The following EXT2 variants were observed in gnomAD, a reference collection of about 807,000 sequenced individuals.
The protein encoded by EXT2 is exostosin-2.
A neutral mutation model predicts 81.6 loss-of-function variants in EXT2; 53 were observed. That is an observed-to-expected ratio of 0.65 (90% CI 0.52 to 0.82). The LOEUF is 0.82. Ranked by LOEUF, EXT2 falls within the 40% of genes least tolerant of loss-of-function variation. The pLI is 0.00. For missense variants in EXT2, 774 were observed against 910.2 expected, an observed-to-expected ratio of 0.85 and a Z score of 1.93; for synonymous variants, 320 against 340.0, an observed-to-expected ratio of 0.94 and a Z score of 0.65.
intron 8 of EXT2, among the ~76,000 whole-genome samples, chr11:44,173,200 G>A (rs1955101814): frequency 6.6e-6 from 1 of 152,206 alleles, no homozygotes; most frequent in Non-Finnish European, 1.5e-5. Context: ...GACACCTCCT[G>A]AAGAGGGAGT....
chr11:44,149,994 C>T (rs1484892018), intron 7 of EXT2, among the ~76,000 whole-genome samples: 1 of 152,192 alleles, frequency 6.6e-6, no homozygotes, highest in Non-Finnish European at 1.5e-5. Context: ...GATGGGGCTG[C>T]TGCTGATGTT....
intron 8 of EXT2, among the ~76,000 whole-genome samples, chr11:44,186,562 G>A (rs562766505): frequency 6.6e-6 from 1 of 152,286 alleles, no homozygotes; most frequent in African/African-American, 2.4e-5. Flanking sequence ...GAAGAAGGGT[G>A]GGCATTTAGC....
intron 10 of EXT2, among the ~76,000 whole-genome samples, chr11:44,214,199 C>T (rs1181297877): frequency 6.6e-6 from 1 of 152,064 alleles, no homozygotes; most frequent in Admixed American, 6.5e-5. Flanking sequence ...CTGCAAGCTC[C>T]GCCTCCCGGG....
intron 7 of EXT2, among the ~76,000 whole-genome samples, chr11:44,140,599 G>A (rs1465834903): frequency 6.6e-6 from 1 of 152,138 alleles, no homozygotes; most frequent in Non-Finnish European, 1.5e-5. Context: ...GGCATCTCCT[G>A]CCCAGAATGT....
intron 9 of EXT2, among the ~76,000 whole-genome samples, chr11:44,198,936 T>G (rs898895220): frequency 1.3e-5 from 2 of 152,212 alleles, no homozygotes; most frequent in African/African-American, 4.8e-5. Context: ...TCTGGCTCTG[T>G]TAGGCAAATC....
intron 9 of EXT2, among the ~76,000 whole-genome samples, chr11:44,202,632 T>G (rs1028835938): frequency 1.3e-5 from 2 of 152,112 alleles, no homozygotes; most frequent in Non-Finnish European, 2.9e-5. Flanking sequence ...GTTCAAAAAA[T>G]GCTCTGGTTC....
intron 7 of EXT2, among the ~76,000 whole-genome samples, chr11:44,162,556 A>C (rs964672119): frequency 6.7e-6 from 1 of 148,814 alleles, no homozygotes; most frequent in South Asian, 2.2e-4. Flanking sequence ...AGCCTGGGGG[A>C]CAGGGTGAGA....
chr11:44,097,270 G>A lies in EXT2; in HGVS notation c.-31+1418G>A, dbSNP rs980659274. Among the ~76,000 whole-genome samples, 5 of 152,174 alleles carry A rather than the reference G, an allele frequency of 3.3e-5. No individual in the cohort carries two copies. In the South Asian group the frequency reaches 1.0e-3, roughly 32 times the overall value. The stretch of plus-strand genomic sequence containing the variant: ...ATGTAATGACACACATTGTCTTATG[G>A]TATAATTCCCATGATTAAAAGGGCA... On this transcript the variant is annotated intron_variant, in intron 1 of 13. Transcript: ENST00000533608.
chr11:44,125,223 A>G (rs891088864), intron 5 of EXT2, among the ~76,000 whole-genome samples: 1 of 152,222 alleles, frequency 6.6e-6, no homozygotes, highest in African/African-American at 2.4e-5. Context: ...GATATTCATT[A>G]TACTTCAAAA....
rs1021447170 is a variant in EXT2 at position 44,236,265 on chromosome 11, C to A, written c.1936-28C>A. 7 of 1,602,940 alleles carry A rather than the reference C, an allele frequency of 4.4e-6. No homozygotes were observed. In the Admixed American group the frequency reaches 1.0e-4, roughly 23 times the overall value. ...TTTTATTGTCCTTGACACTGACAGC[C>A]AGGTATGTTTTTGTCCTCCTCTGGC... On this transcript the variant is annotated intron_variant, in intron 12 of 13. Coordinates refer to ENST00000533608, the MANE Select transcript of EXT2 (RefSeq NM_207122.2).
At chr11:44,211,658 A>G (rs990945598) in intron 10 of EXT2, among the ~76,000 whole-genome samples, 1 of 152,240 alleles carries the variant, frequency 6.6e-6, no homozygotes, top group Middle Eastern at 3.2e-3. Context: ...GTCAAAAGGT[A>G]TAAAGTTTCA....
At chr11:44,177,016 C>G (rs1429288581) in intron 8 of EXT2, among the ~76,000 whole-genome samples, 1 of 151,730 alleles carries the variant, frequency 6.6e-6, no homozygotes, top group Non-Finnish European at 1.5e-5. Flanking sequence ...CTTTGTCACT[C>G]TTATCTGTAA....
chr11:44,158,492 A>C (rs1361808905), intron 7 of EXT2, among the ~76,000 whole-genome samples: 2 of 152,134 alleles, frequency 1.3e-5, no homozygotes, highest in African/African-American at 4.8e-5. Flanking sequence ...TGCTGCTCAA[A>C]GAAAGATTCC....
At chr11:44,206,707 C>T in intron 9 of EXT2, 86 bp from the exon 10 acceptor site, 3 of 1,402,862 alleles carry the variant, frequency 2.1e-6, no homozygotes, top group African/African-American at 2.8e-5. Context: ...GCTGATTCTC[C>T]CATCTCATTT....
At chr11:44,150,313 C>G (rs920927698) in intron 7 of EXT2, among the ~76,000 whole-genome samples, 3 of 151,042 alleles carry the variant, frequency 2.0e-5, no homozygotes, top group African/African-American at 7.3e-5. Context: ...TTTTTTTTTC[C>G]TTTTCACTAC....
intron 1 of EXT2, among the ~76,000 whole-genome samples, chr11:44,102,363 C>T (rs2134951841): frequency 6.6e-6 from 1 of 152,106 alleles, no homozygotes; most frequent in East Asian, 1.9e-4. Flanking sequence ...CTTCAGAAGG[C>T]TCCTGGTAGC....
At chr11:44,177,030 T>G (rs1955168000) in intron 8 of EXT2, among the ~76,000 whole-genome samples, 1 of 151,764 alleles carries the variant, frequency 6.6e-6, no homozygotes, top group Admixed American at 6.6e-5. Flanking sequence ...TCTGTAAAAC[T>G]AGGGTGATGA....
chr11:44,236,614 C>T (rs1320393116), intron 13 of EXT2, among the ~76,000 whole-genome samples: 7 of 152,164 alleles, frequency 4.6e-5, no homozygotes. Context: ...GGGCCTTAAG[C>T]TCCAGAAGCC....
chr11:44,161,769 A>G (rs1223934172), intron 7 of EXT2, among the ~76,000 whole-genome samples: 5 of 152,192 alleles, frequency 3.3e-5, no homozygotes, highest in Admixed American at 1.3e-4. Context: ...GTTACTTTTA[A>G]TAAGTCATAT....
Sources: allele counts gnomAD v4.1 joint callset (sites outside exome capture counted in the v4.1 genomes callset), GRCh38; gene constraint gnomAD v4.1.1; transcripts MANE v1.5; gene names NCBI Gene and HGNC (gene_info 2026-07-23, HGNC 2026-07-21).